MFNG: variants seen among roughly 807,000 people sequenced by gnomAD.
MFNG encodes the protein beta-1,3-N-acetylglucosaminyltransferase manic fringe.
A neutral mutation model predicts 34.2 loss-of-function variants in MFNG; 24 were observed. That is an observed-to-expected ratio of 0.70 (90% CI 0.51 to 0.99). MFNG has a LOEUF of 0.99. MFNG is among the 50% of genes least tolerant of loss of function. MFNG has a pLI of 0.00. For synonymous variants in MFNG, 158 were observed against 179.2 expected, an observed-to-expected ratio of 0.88 and a Z score of 0.94; for missense variants, 383 against 424.0, an observed-to-expected ratio of 0.90 and a Z score of 0.85.
Position 37,469,982 on chromosome 22 carries a change from G to T in MFNG, c.947C>A (p.Pro316His). ...CLLYPDTPWCPQLGAR is the reference protein window; with the variant it reads ...CLLYPDTPWCHQLGAR ...CAGGATTCATCGGGCACCCAGCTGG[G>T]GACACCAGGGTGTATCTGGATAGAG... Residue 316 changes from proline (P) to histidine (H), a missense_variant, in exon 8 of 8, where the codon CCC (proline) becomes CAC (histidine). Transcript: ENST00000356998. 6.2e-7 allele frequency: 1 copy of T among 1,608,614 alleles called. No individual in the cohort carries two copies. Among genetic ancestry groups the T allele is most frequent in the Non-Finnish European group, 8.5e-7 (1 of 1,177,264 alleles).
At chr22:37,477,384 AGT>A (rs1206399574) in intron 4 of MFNG, among the ~76,000 whole-genome samples, 1 of 151,810 alleles carries the variant, frequency 6.6e-6, no homozygotes, top group Non-Finnish European at 1.5e-5. Flanking sequence ...ACGGGGCCTG[AGT>A]GTGCATAGGA....
rs574644668 is a variant in MFNG, at chr22:37,474,622, T to C, written c.703A>G (p.Met235Val). The C allele has an allele frequency of 1.4e-5, 23 of 1,613,876 alleles. No individual in the cohort carries two copies. In the East Asian group the frequency reaches 4.5e-4, roughly 31 times the overall value. Residue 235 changes from methionine to valine, a missense_variant, in exon 6 of 8, where the codon ATG becomes GTG. By Grantham distance (21) the Met-to-Val change is conservative. Transcript: ENST00000356998. ...ALIRLPDDCT[M>V]GYIIECKLGG... ...AGCTTGCACTCAATGATATAGCCCA[T>C]GGTGCAGTCATCAGGCAGCCGGATG... is the stretch of plus-strand genomic sequence containing the variant.
At position 37,486,321 on chromosome 22, in the gene MFNG, G is replaced by C; in HGVS notation, c.-144C>G. ...AAGGAGGGAAGAGGTAGGAGCTGAG[G>C]CTCTGGACCCAGAGGCTGAGCCATG... On this transcript the variant is annotated 5_prime_UTR_variant, in exon 1 of 8. Transcript: ENST00000356998. 2.3e-6 allele frequency: 2 copies of C among 883,990 alleles called. No individual in the cohort carries two copies. Among genetic ancestry groups the C allele is most frequent in the Non-Finnish European group, 1.6e-6 (1 of 628,040 alleles). 54.8% of individuals were successfully genotyped at this position (883,990 alleles called of 1,614,324 possible).
chr22:37,476,059 T>C (rs1014721411), intron 5 of MFNG, among the ~76,000 whole-genome samples: 1 of 152,168 alleles, frequency 6.6e-6, no homozygotes, highest in African/African-American at 2.4e-5. Context: ...AGTGCCTCAG[T>C]TGCCTGAGAT....
intron 4 of MFNG, among the ~76,000 whole-genome samples, chr22:37,478,810 C>G (rs1234917777): frequency 6.6e-6 from 1 of 152,126 alleles, no homozygotes; most frequent in Non-Finnish European, 1.5e-5. Context: ...TCCCGAGTAG[C>G]TGGGACTACA....
At position 37,483,016 on chromosome 22, in the gene MFNG, G is replaced by C. The variant is rs1034681409; in HGVS notation, c.256-2247C>G. On this transcript the variant is annotated intron_variant, in intron 1 of 7. Coordinates refer to ENST00000356998, the MANE Select transcript of MFNG (RefSeq NM_002405.4). The surrounding 1 kb of genome is among the most constrained non-coding windows in gnomAD (Gnocchi z 4.5). Reference sequence around the variant, plus strand: ...ACACCACCAGCCCTAGCCTCTCCCTGAGCTCCAAACTGTCAAATCCCCTGA... The same window carrying C: ...ACACCACCAGCCCTAGCCTCTCCCTCAGCTCCAAACTGTCAAATCCCCTGA... Among the ~76,000 whole-genome samples, 6 of 152,152 alleles carry C rather than the reference G, an allele frequency of 3.9e-5. No homozygotes were observed. Among genetic ancestry groups the C allele is most frequent in the Admixed American group, 3.3e-4 (5 of 15,274 alleles).
rs778149654 is a variant in MFNG at position 37,474,660 on chromosome 22, T to C, written c.665A>G (p.Asp222Gly). ...APWASGSRFM[D>G]TSALIRLPDD... ...AGGCAGCCGGATGAGAGCAGATGTGTCCATGAAACGGGAGCCACTGAGGGA... is the reference window on the plus strand; with the variant it reads ...AGGCAGCCGGATGAGAGCAGATGTGCCCATGAAACGGGAGCCACTGAGGGA... The change falls in exon 6 of 8, where the codon GAC becomes GGC. Residue 222 changes from aspartate to glycine, a missense_variant. By Grantham distance (94) the Asp-to-Gly change is moderately conservative (BLOSUM62 -1). Transcript: ENST00000356998. 10 of 1,604,702 alleles carry C rather than the reference T, an allele frequency of 6.2e-6. No individual in the cohort carries two copies. Among genetic ancestry groups the C allele is most frequent in the Non-Finnish European group, 8.5e-6 (10 of 1,174,454 alleles).
chr22:37,477,093 T>C (rs1225299963), intron 4 of MFNG, 112 bp from the exon 5 acceptor site: 1 of 858,060 alleles, frequency 1.2e-6, no homozygotes, highest in African/African-American at 1.7e-5. Context: ...GCCCTTTATT[T>C]TGAATCTCAC....
At position 37,485,404 on chromosome 22, in the gene MFNG, C is replaced by T. The variant is rs5756692; in HGVS notation, c.255+519G>A. On this transcript the variant is annotated intron_variant, in intron 1 of 7. Coordinates refer to ENST00000356998, the MANE Select transcript of MFNG (RefSeq NM_002405.4). The surrounding 1 kb of genome is among the most constrained non-coding windows in gnomAD (Gnocchi z 5.3). ...GCTATCGGGAAGGCCGAAGGGATGC[C>T]TCCCCCAAGAACAGACCCCACCATT... 0.069 allele frequency among the ~76,000 whole-genome samples: 10,518 copies of T among 152,266 alleles called. 585 individuals are homozygous for T. Among genetic ancestry groups the T allele is most frequent in the East Asian group, 0.26 (1,334 of 5,156 alleles).
chr22:37,470,731 G>A (rs1437470729), intron 7 of MFNG, among the ~76,000 whole-genome samples: 1 of 152,194 alleles, frequency 6.6e-6, no homozygotes, highest in Non-Finnish European at 1.5e-5. Flanking sequence ...AGGGCCAGGG[G>A]CCCTGGTTCC....
intron 7 of MFNG, among the ~76,000 whole-genome samples, chr22:37,470,762 A>C (rs776114585): frequency 1.3e-5 from 2 of 152,206 alleles, no homozygotes; most frequent in Admixed American, 6.5e-5. Context: ...ACAAGCGTCC[A>C]GACAGAGCCT....
At chr22:37,479,938 G>A (rs1433312659) in intron 3 of MFNG, among the ~76,000 whole-genome samples, 1 of 152,084 alleles carries the variant, frequency 6.6e-6, no homozygotes, top group African/African-American at 2.4e-5. Flanking sequence ...CAGGAGCGGA[G>A]GTTGCAATGA....
intron 7 of MFNG, 28 bp downstream of exon 7, chr22:37,472,415 C>T (rs376558311): frequency 2.0e-6 from 3 of 1,532,924 alleles, no homozygotes; most frequent in African/African-American, 2.8e-5. Flanking sequence ...CCACTCCTCC[C>T]ATCCAAGGTT....
At position 37,483,638 on chromosome 22, in the gene MFNG, G is replaced by A. The variant is rs953424604; in HGVS notation, c.255+2285C>T. On this transcript the variant is annotated intron_variant, in intron 1 of 7. Transcript: ENST00000356998. The surrounding 1 kb of genome is among the most constrained non-coding windows in gnomAD (Gnocchi z 4.5). Reference sequence around the variant, plus strand: ...TCTACTAAAAATAGAAAAATTAGCCGGGCGTGGTGCGCATGCCTGTAGTCC... The same window carrying A: ...TCTACTAAAAATAGAAAAATTAGCCAGGCGTGGTGCGCATGCCTGTAGTCC... 1.4e-4 allele frequency among the ~76,000 whole-genome samples: 22 copies of A among 151,948 alleles called. No homozygotes were observed. The highest frequency in any genetic ancestry group is 4.6e-4 in the African/African-American group (19 of 41,362).
In MFNG at chr22:37,485,812, T is replaced by C; in HGVS notation, c.255+111A>G. The C allele has an allele frequency of 5.4e-6, 7 of 1,296,204 alleles. No homozygotes were observed. The highest frequency in any genetic ancestry group is 2.7e-5 in the Admixed American group (1 of 37,578). 80.3% of individuals were successfully genotyped at this position (1,296,204 alleles called of 1,614,324 possible). On this transcript the variant is annotated intron_variant, in intron 1 of 7. Transcript: ENST00000356998. This position sits in a 1 kb window ranked among gnomAD's most constrained non-coding sequence, Gnocchi z 5.3. ...AAGAGGATCCCTGATTAGGCAGGTA[T>C]TGAGCAGCTTCTCCCATGAGGCAGT... is the stretch of plus-strand genomic sequence containing the variant.
chr22:37,482,403 G>A lies in MFNG; in HGVS notation c.256-1634C>T, dbSNP rs1922331181. On this transcript the variant is annotated intron_variant, in intron 1 of 7. Transcript: ENST00000356998. The surrounding 1 kb of genome is among the most constrained non-coding windows in gnomAD (Gnocchi z 4.1). ...ATCTCATTACTTCCTGTCCACCCCT[G>A]GGGCTTCTCTCTCTGTCTCTCTCTC... Among the ~76,000 whole-genome samples, 1 of 151,800 alleles carries A rather than the reference G, an allele frequency of 6.6e-6. No homozygotes were observed. The highest frequency in any genetic ancestry group is 6.6e-5 in the Admixed American group (1 of 15,264).
At chr22:37,470,971 G>A (rs1431632630) in intron 7 of MFNG, among the ~76,000 whole-genome samples, 1 of 152,120 alleles carries the variant, frequency 6.6e-6, no homozygotes, top group African/African-American at 2.4e-5. Context: ...GCGAACTCCT[G>A]CTAGCCCTTC....
At chr22:37,470,073 C>T in intron 7 of MFNG, 44 bp from the exon 8 acceptor site, 3 of 1,467,606 alleles carry the variant, frequency 2.0e-6, no homozygotes, top group Non-Finnish European at 2.8e-6. Flanking sequence ...CCCCCCACTT[C>T]TGCTCTCAGC....
intron 1 of MFNG, chr22:37,481,155 C>T (rs1426748614): frequency 4.3e-6 from 1 of 231,378 alleles, no homozygotes; most frequent in African/African-American, 2.3e-5. Flanking sequence ...AATCTTAAAC[C>T]CATTTTCAGG....
Sources: allele counts gnomAD v4.1 joint callset (sites outside exome capture counted in the v4.1 genomes callset), GRCh38; gene constraint gnomAD v4.1.1; non-coding constraint Gnocchi (gnomAD v3.1); transcripts MANE v1.5; gene names NCBI Gene and HGNC (gene_info 2026-07-23, HGNC 2026-07-21).